ACAA1: variants seen among roughly 807,000 people sequenced by gnomAD.
ACAA1 encodes the protein acetyl-CoA acyltransferase 1, also known as 3-ketoacyl-CoA thiolase, peroxisomal.
ACAA1 carries 44 observed loss-of-function variants against 48.8 expected under a neutral mutation model. The ratio of observed to expected loss-of-function variants is 0.90; its 90% CI spans 0.71 to 1.16. The LOEUF is 1.16. Among genes scored for constraint, ACAA1 ranks in the 50% most tolerant of loss-of-function variants. The pLI, the probability that ACAA1 is intolerant of heterozygous loss-of-function variation, is 0.00. For synonymous variants in ACAA1, 233 were observed against 226.5 expected (o/e 1.03, Z -0.26); for missense variants, 512 against 562.3 (o/e 0.91, Z 0.90).
chr3:38,135,209 ACCAT>A (rs923880451), intron 2 of ACAA1: 2 of 151,968 alleles, frequency 1.3e-5, no homozygotes, highest in Admixed American at 6.5e-5. Context: ...CCTTCTCCCC[ACCAT>A]CACCCTGTTC....
At position 38,129,261 on chromosome 3, in the gene ACAA1, C is replaced by T; in HGVS notation, c.545+29G>A. ...CTCCCTGCCCCAGGCAGAGAGGGCA[C>T]AAGCACACAGAGCTATGGGAGCACT... On this transcript the variant is annotated intron_variant, in intron 6 of 11. Coordinates refer to ENST00000333167, the MANE Select transcript of ACAA1 (RefSeq NM_001607.4). The surrounding 1 kb of genome is among the most constrained non-coding windows in gnomAD (Gnocchi z 5.3). The T allele has an allele frequency of 6.3e-7, 1 of 1,599,042 alleles. No individual in the cohort carries two copies. Among genetic ancestry groups the T allele is most frequent in the Non-Finnish European group, 8.6e-7 (1 of 1,167,144 alleles).
intron 1 of ACAA1, 54 bp from the exon 2 acceptor site, chr3:38,136,739 G>A: frequency 1.3e-6 from 2 of 1,531,702 alleles, no homozygotes; most frequent in Non-Finnish European, 1.8e-6. Flanking sequence ...CCCACCCCAG[G>A]GAGACAAAGC....
chr3:38,136,895 G>T lies in ACAA1; in HGVS notation c.141C>A (p.Ala47=). The change falls in exon 1 of 12, where the codon GCC becomes GCA. Residue 47 remains alanine, a synonymous_variant. Coordinates refer to ENST00000333167, the MANE Select transcript of ACAA1 (RefSeq NM_001607.4). ...AGCCGCCGCGGCCCGCCCGGCAGAT[G>T]GCCGTGCGCCGCCCGTGCACCACCA... is the stretch of plus-strand genomic sequence containing the variant. The part of the protein sequence containing the change: ...DVVVVHGRRT[A]ICRAGRGGFK... 1.3e-6 allele frequency: 2 copies of T among 1,530,334 alleles called. No homozygotes were observed. The highest frequency in any genetic ancestry group is 1.2e-5 in the South Asian group (1 of 83,510). 94.8% of individuals were successfully genotyped at this position (1,530,334 alleles called of 1,614,324 possible).
intron 7 of ACAA1, 127 bp downstream of exon 7, chr3:38,127,658 TG>T (rs1700705099): frequency 6.9e-6 from 6 of 870,828 alleles, no homozygotes; most frequent in African/African-American, 1.7e-5. Flanking sequence ...CCAACCTGGG[TG>T]GCACAAGGCC....
intron 3 of ACAA1, chr3:38,133,682 C>T: frequency 1.9e-6 from 1 of 525,560 alleles, no homozygotes. Context: ...ACAGAGTCCA[C>T]ACTCACAAAA....
intron 2 of ACAA1, among the ~76,000 whole-genome samples, chr3:38,136,179 A>G (rs1700888748): frequency 6.6e-6 from 1 of 152,228 alleles, no homozygotes; most frequent in African/African-American, 2.4e-5. Context: ...CTACAGATTA[A>G]CAGCATCTCA....
Position 38,122,785 on chromosome 3 carries a change from C to T in ACAA1, c.*262G>A, listed in dbSNP as rs770679719. 4.6e-5 allele frequency: 53 copies of T among 1,141,452 alleles called. No individual in the cohort carries two copies. The highest frequency in any genetic ancestry group is 6.2e-5 in the Non-Finnish European group (52 of 839,350). 70.7% of individuals were successfully genotyped at this position (1,141,452 alleles called of 1,614,324 possible). On this transcript the variant is annotated 3_prime_UTR_variant, in exon 12 of 12. Coordinates refer to ENST00000333167, the MANE Select transcript of ACAA1 (RefSeq NM_001607.4). The stretch of plus-strand genomic sequence containing the variant: ...GATTTGCCTTGCCTTAAGAATTAAC[C>T]ATGGCCTTGTGGCCTGGGTGACCCA...
At chr3:38,124,770 A>G (rs1700640273) in intron 11 of ACAA1, 1 of 152,238 alleles carries the variant, frequency 6.6e-6, no homozygotes, top group African/African-American at 2.4e-5. Context: ...TACAAAGTCA[A>G]TGTGATAATG....
At chr3:38,124,849 A>T (rs1433842724) in intron 11 of ACAA1, 1 of 152,204 alleles carries the variant, frequency 6.6e-6, no homozygotes, top group Non-Finnish European at 1.5e-5. Flanking sequence ...TGAGAGAGAC[A>T]GTTCACCTTC....
Position 38,122,997 on chromosome 3 carries a change from T to C in ACAA1, c.*50A>G. The C allele has an allele frequency of 1.3e-6, 2 of 1,594,016 alleles. No homozygotes were observed. Among genetic ancestry groups the C allele is most frequent in the Non-Finnish European group, 1.7e-6 (2 of 1,163,170 alleles). On this transcript the variant is annotated 3_prime_UTR_variant, in exon 12 of 12. Coordinates refer to ENST00000333167, the MANE Select transcript of ACAA1 (RefSeq NM_001607.4). ...TGCTTTTGTGGTGTTACTGCCTTGC[T>C]GCTAGAGCAGCAGGACTGTCTGCGT...
chr3:38,129,207 C>A lies in ACAA1; in HGVS notation c.545+83G>T, dbSNP rs1700738077. On this transcript the variant is annotated intron_variant, in intron 6 of 11. Transcript: ENST00000333167. This position sits in a 1 kb window ranked among gnomAD's most constrained non-coding sequence, Gnocchi z 5.3. ...GAAGGAGGCCAAGGCTTGGCACCAC[C>A]AGCCACAGAGATGATAAAAGTTCCT... The A allele has an allele frequency of 2.3e-6, 3 of 1,279,334 alleles. No homozygotes were observed. The highest frequency in any genetic ancestry group is 3.4e-6 in the Non-Finnish European group (3 of 895,098). 79.2% of individuals were successfully genotyped at this position (1,279,334 alleles called of 1,614,324 possible).
Position 38,122,850 on chromosome 3 carries a change from G to C in ACAA1, c.*197C>G. 1 of 789,832 alleles carries C rather than the reference G, an allele frequency of 1.3e-6. No homozygotes were observed. 48.9% of individuals were successfully genotyped at this position (789,832 alleles called of 1,614,324 possible). On this transcript the variant is annotated 3_prime_UTR_variant, in exon 12 of 12. Coordinates refer to ENST00000333167, the MANE Select transcript of ACAA1 (RefSeq NM_001607.4). ...TGCACAGCTAAAGAGGGTCTGATGG[G>C]TGGCTCAACACCCCACCCACTCCTA... is the stretch of plus-strand genomic sequence containing the variant.
intron 7 of ACAA1, chr3:38,127,493 T>G (rs1700702466): frequency 2.2e-6 from 1 of 463,556 alleles, no homozygotes; most frequent in Non-Finnish European, 4.0e-6. Flanking sequence ...GGCCCCACAC[T>G]CCAGGCTACA....
chr3:38,129,458 G>A lies in ACAA1; in HGVS notation c.447-70C>T, dbSNP rs1700743255. 1 of 1,260,928 alleles carries A rather than the reference G, an allele frequency of 7.9e-7. No individual in the cohort carries two copies. The highest frequency in any genetic ancestry group is 1.8e-5 in the Admixed American group (1 of 55,244). 78.1% of individuals were successfully genotyped at this position (1,260,928 alleles called of 1,614,324 possible). Reference sequence around the variant, plus strand: ...TAGCAGGACTCCTCCAGAGATAGCTGAACACTTGGCAAGTGCTAGGAAATA... The same window carrying A: ...TAGCAGGACTCCTCCAGAGATAGCTAAACACTTGGCAAGTGCTAGGAAATA... On this transcript the variant is annotated intron_variant, in intron 5 of 11. Transcript: ENST00000333167. This position sits in a 1 kb window ranked among gnomAD's most constrained non-coding sequence, Gnocchi z 5.3.
At position 38,131,937 on chromosome 3, in the gene ACAA1, G is replaced by A; in HGVS notation, c.392C>T (p.Ala131Val). The A allele has an allele frequency of 6.2e-7, 1 of 1,613,902 alleles. No individual in the cohort carries two copies. Among genetic ancestry groups the A allele is most frequent in the Non-Finnish European group, 8.5e-7 (1 of 1,179,818 alleles). Residue 131 changes from alanine (A) to valine (V), a missense_variant, in exon 4 of 12, where the codon GCC becomes GTC. Ala to Val is a moderately conservative substitution (Grantham distance 64). Coordinates refer to ENST00000333167, the MANE Select transcript of ACAA1 (RefSeq NM_001607.4). ...CAGTCATAACTTACCTGCTATGCTG[G>A]CCACTGCCTGTAGCCCCGACGAACA... Reference protein sequence around the residue: ...RQCSSGLQAVASIAGGIRNGS... With the variant: ...RQCSSGLQAVVSIAGGIRNGS...
intron 2 of ACAA1, 58 bp downstream of exon 2, chr3:38,136,534 C>T (rs1244446056): frequency 1.3e-6 from 2 of 1,597,514 alleles, no homozygotes; most frequent in Non-Finnish European, 1.7e-6. Flanking sequence ...GTGAGGAGAG[C>T]TCTGGACGAA....
rs957825369 is a variant in ACAA1 at position 38,122,884 on chromosome 3, C to T, written c.*163G>A. ...CACCCCACCCACTCCTATACCATGT[C>T]ATCAGTGTTCACATTTTCCAAATGA... On this transcript the variant is annotated 3_prime_UTR_variant, in exon 12 of 12. Coordinates refer to ENST00000333167, the MANE Select transcript of ACAA1 (RefSeq NM_001607.4). 8.3e-5 allele frequency: 66 copies of T among 793,696 alleles called. No individual in the cohort carries two copies. The African/African-American group carries it at 9.3e-4, about 11-fold the overall frequency. The allele number at this position is 793,696 out of a possible 1,614,324, so 49.2% of individuals were successfully genotyped here. A position where few individuals can be genotyped will look rare whatever the true frequency, so the allele number is the denominator to read the frequency against.
At position 38,126,519 on chromosome 3, in the gene ACAA1, T is replaced by C. The variant is rs370502860; in HGVS notation, c.808A>G (p.Thr270Ala). The C allele has an allele frequency of 8.7e-6, 14 of 1,614,108 alleles. No homozygotes were observed. The African/African-American group carries it at 1.9e-4, about 22-fold the overall frequency. ...LKPAFKKDGS[T>A]TAGNSSQVSD... ...CCCGGACCAGTCTCACCAGCTGTGGTAGAACCATCTTTCTTGAAGGCAGGC... is the reference window on the plus strand; with the variant it reads ...CCCGGACCAGTCTCACCAGCTGTGGCAGAACCATCTTTCTTGAAGGCAGGC... Residue 270 changes from threonine to alanine, a missense_variant, in exon 8 of 12, where the codon ACC becomes GCC. Thr to Ala is a moderately conservative substitution (Grantham distance 58). Transcript: ENST00000333167. This position sits in a 1 kb window ranked among gnomAD's most constrained non-coding sequence, Gnocchi z 4.7.
At chr3:38,132,130 G>T in intron 3 of ACAA1, 125 bp from the exon 4 acceptor site, 1 of 771,976 alleles carries the variant, frequency 1.3e-6, no homozygotes, top group Non-Finnish European at 2.1e-6. Context: ...AAACCCAGCA[G>T]CTCTGCTCCC....
Sources: allele counts gnomAD v4.1 joint callset (sites outside exome capture counted in the v4.1 genomes callset), GRCh38; gene constraint gnomAD v4.1.1; non-coding constraint Gnocchi (gnomAD v3.1); transcripts MANE v1.5; gene names NCBI Gene and HGNC (gene_info 2026-07-23, HGNC 2026-07-21).